The following CFAP65 variants were observed in gnomAD, a reference collection of about 807,000 sequenced individuals.
The protein encoded by CFAP65 is cilia and flagella associated protein 65.
CFAP65 carries 155 observed loss-of-function variants against 208.0 expected under a neutral mutation model. The ratio of observed to expected loss-of-function variants is 0.75; its 90% CI spans 0.65 to 0.85. CFAP65 has a LOEUF of 0.85. CFAP65 is among the 40% of genes least tolerant of loss of function. The pLI is 0.00. For synonymous variants in CFAP65, 970 were observed against 986.3 expected, an observed-to-expected ratio of 0.98 and a Z score of 0.31; for missense variants, 2,294 against 2,451.3, an observed-to-expected ratio of 0.94 and a Z score of 1.36.
chr2:219,021,480 T>C (rs1165225844), intron 18 of CFAP65, among the ~76,000 whole-genome samples, 200 bp from the exon 19 acceptor site: 2 of 152,164 alleles, frequency 1.3e-5, no homozygotes, highest in African/African-American at 2.4e-5. Context: ...CTAAGCACTT[T>C]TCCCCACCTA....
In CFAP65 at chr2:219,024,151, A is replaced by C; in HGVS notation, c.2459T>G (p.Val820Gly). 2 of 1,613,986 alleles carry C rather than the reference A, an allele frequency of 1.2e-6. No individual in the cohort carries two copies. Among genetic ancestry groups the C allele is most frequent in the Non-Finnish European group, 1.7e-6 (2 of 1,180,036 alleles). ...AAGGCCCGAAGTGGGCCGAAGGATG[A>C]CGTCTGAGCCTCTCTGGGGGGCCAG... The part of the protein sequence containing the change: ...FSLAPQRGSD[V>G]ILRPTSGLVA... Residue 820 changes from valine (V) to glycine (G), a missense_variant, in exon 15 of 35, where the codon GTC becomes GGC. Val to Gly is a moderately radical substitution (Grantham distance 109). Around this residue, in one of 2 missense-constraint regions of CFAP65, gnomAD observed 1,427 missense variants for 1,438.7 expected, o/e 0.99. Coordinates refer to ENST00000341552, the MANE Select transcript of CFAP65 (RefSeq NM_194302.4).
Position 219,029,597 on chromosome 2 carries a change from G to T in CFAP65, c.1456C>A (p.Pro486Thr), listed in dbSNP as rs1947877345. Residue 486 changes from proline (P) to threonine (T), a missense_variant, in exon 11 of 35, where the codon CCC (proline) becomes ACC (threonine). Pro to Thr is a conservative substitution (Grantham distance 38). Transcript: ENST00000341552. ...TCCGATTGGTTCTCAATCCACAGGGGCTGCTCGGAGCGCTCCCCAAGGTTG... is the reference window on the plus strand; with the variant it reads ...TCCGATTGGTTCTCAATCCACAGGGTCTGCTCGGAGCGCTCCCCAAGGTTG... ...WVNLGERSEQ[P>T]LWIENQSDCT... 6.2e-7 allele frequency: 1 copy of T among 1,614,050 alleles called. No individual in the cohort carries two copies. The highest frequency in any genetic ancestry group is 1.3e-5 in the African/African-American group (1 of 74,932).
intron 5 of CFAP65, 39 bp downstream of exon 5, chr2:219,035,441 A>C: frequency 6.2e-7 from 1 of 1,614,140 alleles, no homozygotes; most frequent in Non-Finnish European, 8.5e-7. Flanking sequence ...TCGGGGCTCA[A>C]GGCTGTGGCA....
intron 4 of CFAP65, among the ~76,000 whole-genome samples, chr2:219,037,127 C>T (rs1211267432): frequency 6.6e-6 from 1 of 152,148 alleles, no homozygotes; most frequent in African/African-American, 2.4e-5. Context: ...TGCAGTGGCT[C>T]ACGCCTGTAA....
At chr2:219,012,866 C>T (rs1266846287) in intron 24 of CFAP65, among the ~76,000 whole-genome samples, 3 of 152,150 alleles carry the variant, frequency 2.0e-5, no homozygotes, top group Non-Finnish European at 4.4e-5. Flanking sequence ...TATCAGTATA[C>T]TTTGCATGTA....
In CFAP65 at chr2:219,028,279, G is replaced by A. The variant is rs140427280; in HGVS notation, c.1773C>T (p.Pro591=). ...THLARGLTLY[P]PDILDAMLKE... is the part of the protein sequence containing the mutation. ...TCAGCATGGCATCCAGGATGTCAGGGGGGTAGAGCGTCAGGCCCCGGGCCA... is the reference window on the plus strand; with the variant it reads ...TCAGCATGGCATCCAGGATGTCAGGAGGGTAGAGCGTCAGGCCCCGGGCCA... The change falls in exon 12 of 35, where the codon CCC becomes CCT. Residue 591 remains proline, a synonymous_variant. Transcript: ENST00000341552. 167 of 1,614,034 alleles carry A rather than the reference G, an allele frequency of 1.0e-4. No individual in the cohort carries two copies. Among genetic ancestry groups the A allele is most frequent in the Non-Finnish European group, 1.3e-4 (150 of 1,180,018 alleles).
intron 21 of CFAP65, among the ~76,000 whole-genome samples, chr2:219,017,966 C>A (rs1297835139): frequency 6.6e-6 from 1 of 152,188 alleles, no homozygotes; most frequent in South Asian, 2.1e-4. Flanking sequence ...CAGGAGCCCC[C>A]TAAAGAGCCA....
chr2:219,009,904 A>G, intron 27 of CFAP65, 38 bp downstream of exon 27: 1 of 1,576,832 alleles, frequency 6.3e-7, no homozygotes, highest in Non-Finnish European at 8.6e-7. Context: ...ATGGGTCTGG[A>G]GCTCTGATGG....
Position 219,009,061 on chromosome 2 carries a change from C to CAT in CFAP65, c.4659_4660insAT (p.Asp1554MetfsTer3). On this transcript the variant is annotated frameshift_variant, in exon 29 of 35. Transcript: ENST00000341552. LOFTEE classifies it high-confidence loss of function. ...GCCCTCCTCACCTTCACTTTCATGT[C>CAT]GGTGATGGTGAACTCCACTTCCTGC... 6.2e-7 allele frequency: 1 copy of CAT among 1,611,456 alleles called. No homozygotes were observed. Among genetic ancestry groups the CAT allele is most frequent in the South Asian group, 1.1e-5 (1 of 91,046 alleles).
Position 219,004,154 on chromosome 2 carries a change from T to A in CFAP65, c.5353A>T (p.Thr1785Ser). 6.2e-7 allele frequency: 1 copy of A among 1,613,650 alleles called. No homozygotes were observed. Among genetic ancestry groups the A allele is most frequent in the Non-Finnish European group, 8.5e-7 (1 of 1,179,928 alleles). Residue 1785 changes from threonine (T) to serine (S), a missense_variant, in exon 33 of 35, where the codon ACA (threonine) becomes TCA (serine). This residue lies in a region of CFAP65 where 1,427 missense variants were observed against 1,438.7 expected (regional missense o/e 0.99). Transcript: ENST00000341552. The surrounding 1 kb of genome is among the most constrained non-coding windows in gnomAD (Gnocchi z 4.7). ...TCCTTGCCCAACTCCTCCTCTTCTG[T>A]CTCCTCTTCTTCCTCCTCTTCCTCC... ...LEEEEEEEEE[T>S]EEEELGKEEI...
rs773071623 is a variant in CFAP65, at chr2:219,027,666, GC to G, written c.2194del (p.Ala732ProfsTer26). On this transcript the variant is annotated frameshift_variant, in exon 13 of 35. Transcript: ENST00000341552. LOFTEE classifies it high-confidence loss of function. ...TGCACACACCTTATAGATGGCGAAGGCTTCGAGCTCCACCGTGTAAAGGCAG... is the reference window on the plus strand; with the variant it reads ...TGCACACACCTTATAGATGGCGAAGGTTCGAGCTCCACCGTGTAAAGGCAG... ...PNCLYTVELE[A>X]FAIYKVLQSY... The G allele has an allele frequency of 6.2e-7, 1 of 1,613,938 alleles. No individual in the cohort carries two copies. Among genetic ancestry groups the G allele is most frequent in the Admixed American group, 1.7e-5 (1 of 60,024 alleles).
In CFAP65 at chr2:219,003,294, C is replaced by A; in HGVS notation, c.5556-22G>T. 1 of 1,505,194 alleles carries A rather than the reference C, an allele frequency of 6.6e-7. No homozygotes were observed. Among genetic ancestry groups the A allele is most frequent in the Non-Finnish European group, 8.9e-7 (1 of 1,124,896 alleles). 93.2% of individuals were successfully genotyped at this position (1,505,194 alleles called of 1,614,324 possible). A position where few individuals can be genotyped will look rare whatever the true frequency, so the allele number is the denominator to read the frequency against. The stretch of plus-strand genomic sequence containing the variant: ...GAGCCTGCGAGGGGGCGGGGGCTAG[C>A]ATGAGGGCGGCCGCAGTGCCCGCGC... On this transcript the variant is annotated intron_variant, in intron 33 of 34. Coordinates refer to ENST00000341552, the MANE Select transcript of CFAP65 (RefSeq NM_194302.4). This position sits in a 1 kb window ranked among gnomAD's most constrained non-coding sequence, Gnocchi z 4.4.
intron 2 of CFAP65, among the ~76,000 whole-genome samples, chr2:219,039,626 GAC>G (rs1358625043): frequency 2.0e-5 from 3 of 152,102 alleles, no homozygotes; most frequent in Non-Finnish European, 4.4e-5. Flanking sequence ...AAAGTAAAAA[GAC>G]ACAGGTAAAA....
chr2:219,015,861 T>G (rs1352833235), intron 21 of CFAP65: 1 of 152,218 alleles, frequency 6.6e-6, no homozygotes, highest in African/African-American at 2.4e-5. Context: ...TATACAGCTA[T>G]TTAAAAGAAT....
intron 26 of CFAP65, 63 bp from the exon 27 acceptor site, chr2:219,010,148 A>C: frequency 6.7e-7 from 1 of 1,488,782 alleles, no homozygotes; most frequent in Non-Finnish European, 9.0e-7. Flanking sequence ...TCACGCCTGT[A>C]ATCCCAGCAC....
chr2:219,032,593 G>C lies in CFAP65; in HGVS notation c.543-21C>G. 6.4e-7 allele frequency: 1 copy of C among 1,571,266 alleles called. No individual in the cohort carries two copies. Among genetic ancestry groups the C allele is most frequent in the Non-Finnish European group, 8.6e-7 (1 of 1,156,496 alleles). On this transcript the variant is annotated intron_variant, in intron 5 of 34. Coordinates refer to ENST00000341552, the MANE Select transcript of CFAP65 (RefSeq NM_194302.4). This position sits in a 1 kb window ranked among gnomAD's most constrained non-coding sequence, Gnocchi z 5.5. The stretch of plus-strand genomic sequence containing the variant: ...GGGGCCTGCAGGAGAGAGCCGGTGG[G>C]GAGCACCTCAGATCAGGGCTCAGAA...
chr2:219,010,101 G>T lies in CFAP65; in HGVS notation c.4309-16C>A. 2 of 1,569,404 alleles carry T rather than the reference G, an allele frequency of 1.3e-6. No homozygotes were observed. The highest frequency in any genetic ancestry group is 1.7e-6 in the Non-Finnish European group (2 of 1,156,674). Reference sequence around the variant, plus strand: ...GGAAGACATTCTGTGGGTGGAGAGCGGAGGTAAAGAAATAAGAACCGGCCA... The same window carrying T: ...GGAAGACATTCTGTGGGTGGAGAGCTGAGGTAAAGAAATAAGAACCGGCCA... On this transcript the variant is annotated splice_polypyrimidine_tract_variant and intron_variant, in intron 26 of 34. Coordinates refer to ENST00000341552, the MANE Select transcript of CFAP65 (RefSeq NM_194302.4).
rs921077717 is a variant in CFAP65 at position 219,003,664 on chromosome 2, C to T, written c.5555+288G>A. 1.3e-5 allele frequency among the ~76,000 whole-genome samples: 2 copies of T among 152,272 alleles called. No homozygotes were observed. Among genetic ancestry groups the T allele is most frequent in the Non-Finnish European group, 2.9e-5 (2 of 68,022 alleles). On this transcript the variant is annotated intron_variant, in intron 33 of 34. Transcript: ENST00000341552. This position sits in a 1 kb window ranked among gnomAD's most constrained non-coding sequence, Gnocchi z 4.4. ...AGTCCCACCTGCAAGACAGGTGGTC[C>T]TTTTCTGGCTCTAGAAGCCCATTTA...
chr2:219,020,301 A>C (rs142862340), intron 19 of CFAP65, among the ~76,000 whole-genome samples: 3 of 152,344 alleles, frequency 2.0e-5, no homozygotes, highest in African/African-American at 7.2e-5. Context: ...AGATTCATGC[A>C]AGTGGTGGCA....
Sources: allele counts gnomAD v4.1 joint callset (sites outside exome capture counted in the v4.1 genomes callset), GRCh38; gene constraint gnomAD v4.1.1; regional missense constraint gnomAD v4.1.1; non-coding constraint Gnocchi (gnomAD v3.1); transcripts MANE v1.5; gene names NCBI Gene and HGNC (gene_info 2026-07-23, HGNC 2026-07-21).